The following NOMO1 variants were observed in gnomAD, a reference collection of about 807,000 sequenced individuals.
NOMO1 encodes nodal modulator 3.
A neutral mutation model predicts 133.8 loss-of-function variants in NOMO1; 40 were observed. The ratio of observed to expected loss-of-function variants is 0.30; its 90% CI spans 0.23 to 0.39. The LOEUF is 0.39. Ranked by LOEUF, NOMO1 falls within the 10% of genes least tolerant of loss-of-function variation. NOMO1 has a pLI of 1.00. For synonymous variants in NOMO1, 236 were observed against 570.5 expected (o/e 0.41, Z 8.36); for missense variants, 462 against 1,419.9 (o/e 0.33, Z 10.84).
Position 14,867,176 on chromosome 16 carries a change from A to ATTTTT in NOMO1, c.1806+510_1806+514dup, listed in dbSNP as rs1174703237. On this transcript the variant is annotated intron_variant, in intron 15 of 30. Transcript: ENST00000287667. ...TATATATATATATATATATATATATATTTTTTTTTTTTTTTTTTTTTTTTT... is the reference window on the plus strand; with the variant it reads ...TATATATATATATATATATATATATATTTTTTTTTTTTTTTTTTTTTTTTTTTTTT... Among the ~76,000 whole-genome samples, 63 of 7,476 alleles carry ATTTTT rather than the reference A, an allele frequency of 8.4e-3. 3 individuals are homozygous for ATTTTT. The highest frequency in any genetic ancestry group is 0.028 in the East Asian group (11 of 392). The allele number at this position is 7,476 out of a possible 152,430, so 4.9% of individuals were successfully genotyped here. A position where few individuals can be genotyped will look rare whatever the true frequency, so the allele number is the denominator to read the frequency against.
chr16:14,893,352 T>G (rs1290430102), intron 29 of NOMO1, among the ~76,000 whole-genome samples: 1 of 151,672 alleles, frequency 6.6e-6, no homozygotes, highest in East Asian at 1.9e-4. Context: ...CACTTCTGGC[T>G]AATTTTGTAT....
intron 16 of NOMO1, 75 bp from the exon 17 acceptor site, chr16:14,871,546 C>T (rs1244214679): frequency 5.0e-6 from 8 of 1,605,840 alleles, no homozygotes; most frequent in Non-Finnish European, 5.1e-6. Flanking sequence ...AGCTGCCACT[C>T]GATTTCAGAT....
rs1253403646 is a variant in NOMO1 at position 14,853,590 on chromosome 16, G to T, written c.859G>T (p.Gly287Trp). The change falls in exon 8 of 31, where the codon GGG (glycine) becomes TGG (tryptophan). Residue 287 changes from glycine to tryptophan, a missense_variant. Physicochemically the swap from Gly to Trp is radical, Grantham distance 184. Coordinates refer to ENST00000287667, the MANE Select transcript of NOMO1 (RefSeq NM_014287.4). ...GSFSFYSLPS[G>W]GYTVIPFYRG... ...GTTCTCTTTCTATTCCTTGCCAAGT[G>T]GGGGCTACACTGTGGTGAGTAAAGC... The T allele has an allele frequency of 2.5e-6, 4 of 1,611,178 alleles. No individual in the cohort carries two copies. Among genetic ancestry groups the T allele is most frequent in the Non-Finnish European group, 8.5e-7 (1 of 1,179,772 alleles).
At position 14,835,797 on chromosome 16, in the gene NOMO1, T is replaced by C. The variant is rs948669265; in HGVS notation, c.165+1781T>C. Among the ~76,000 whole-genome samples the C allele has an allele frequency of 1.9e-4, 29 of 152,076 alleles. No individual in the cohort carries two copies. The East Asian group carries it at 5.2e-3, about 27-fold the overall frequency. On this transcript the variant is annotated intron_variant, in intron 1 of 30. Transcript: ENST00000287667. ...TTCTTGATTGTGTTTTTTGTGTTCC[T>C]ATGCAACTGCCGCCATTCTTCTCTA...
rs1230300443 is a variant in NOMO1 at position 14,864,586 on chromosome 16, T to C, written c.1397T>C (p.Val466Ala). The C allele has an allele frequency of 1.9e-6, 3 of 1,612,766 alleles. No individual in the cohort carries two copies. Among genetic ancestry groups the C allele is most frequent in the Non-Finnish European group, 2.5e-6 (3 of 1,179,346 alleles). ...AACGTTCCATCCACGTTTCCACAGGTGATGGTTCCTGAGGCAGAAACCAGA... is the reference window on the plus strand; with the variant it reads ...AACGTTCCATCCACGTTTCCACAGGCGATGGTTCCTGAGGCAGAAACCAGA... ...KAKPGTYKVQ[V>A]MVPEAETRAG... The change falls in exon 13 of 31, where the codon GTG becomes GCG. Residue 466 changes from valine (V) to alanine (A), a missense_variant and splice_region_variant. By Grantham distance (64) the Val-to-Ala change is moderately conservative. Coordinates refer to ENST00000287667, the MANE Select transcript of NOMO1 (RefSeq NM_014287.4).
intron 29 of NOMO1, among the ~76,000 whole-genome samples, chr16:14,891,884 A>G: frequency 6.6e-6 from 1 of 151,970 alleles, no homozygotes; most frequent in South Asian, 2.1e-4. Flanking sequence ...TGAACAAGAG[A>G]GTTTTTCTCA....
intron 2 of NOMO1, among the ~76,000 whole-genome samples, chr16:14,838,827 G>A (rs1403684109): frequency 2.0e-5 from 3 of 151,166 alleles, no homozygotes; most frequent in Non-Finnish European, 2.9e-5. Flanking sequence ...CCAGATGTCA[G>A]TAGTGCCAGG....
chr16:14,879,028 C>T (rs1964203962), intron 23 of NOMO1, among the ~76,000 whole-genome samples, 194 bp downstream of exon 23: 1 of 151,908 alleles, frequency 6.6e-6, no homozygotes, highest in African/African-American at 2.4e-5. Context: ...ATGTTCCCTT[C>T]CACACGCGCT....
Position 14,874,941 on chromosome 16 carries a change from A to G in NOMO1, c.2055-95A>G. On this transcript the variant is annotated intron_variant, in intron 18 of 30. Transcript: ENST00000287667. ...ACTGTGGTGTCATGATAAGATGTCC[A>G]GTTTGTAACTCGCAAGTCCATACTC... The G allele has an allele frequency of 5.2e-6, 6 of 1,158,910 alleles. No individual in the cohort carries two copies. In the South Asian group the frequency reaches 7.1e-5, roughly 14 times the overall value. 71.8% of individuals were successfully genotyped at this position (1,158,910 alleles called of 1,614,324 possible). A position where few individuals can be genotyped will look rare whatever the true frequency, so the allele number is the denominator to read the frequency against.
chr16:14,884,528 T>C (rs768754171), intron 27 of NOMO1, 46 bp downstream of exon 27: 2 of 1,610,964 alleles, frequency 1.2e-6, no homozygotes, highest in Non-Finnish European at 1.7e-6. Flanking sequence ...CCCTTTGGCT[T>C]TGAGACAAGT....
At chr16:14,854,568 C>T (rs1455945573) in intron 9 of NOMO1, among the ~76,000 whole-genome samples, 27 of 71,282 alleles carry the variant, frequency 3.8e-4, no homozygotes, top group African/African-American at 1.0e-3. Context: ...CTCCTGGGTT[C>T]AAGTGATCTG....
intron 18 of NOMO1, among the ~76,000 whole-genome samples, chr16:14,873,217 G>C (rs1964103937): frequency 9.4e-6 from 1 of 106,230 alleles, no homozygotes; most frequent in African/African-American, 2.7e-5. Context: ...TAGGCTGCGG[G>C]GGGCCAGGCC....
chr16:14,878,317 G>A (rs1480521149), intron 22 of NOMO1, among the ~76,000 whole-genome samples: 2 of 130,730 alleles, frequency 1.5e-5, no homozygotes, highest in African/African-American at 2.9e-5. Context: ...AACGTGGCAA[G>A]ACCCGTCTCT....
At chr16:14,886,961 A>G (rs1402755389) in intron 28 of NOMO1, 99 bp downstream of exon 28, 6 of 1,471,450 alleles carry the variant, frequency 4.1e-6, no homozygotes, top group Non-Finnish European at 5.7e-6. Context: ...CCTAAATACC[A>G]CTCTGCAGAA....
At chr16:14,883,971 A>G (rs1344490057) in intron 26 of NOMO1, among the ~76,000 whole-genome samples, 1 of 150,432 alleles carries the variant, frequency 6.6e-6, no homozygotes, top group Admixed American at 6.6e-5. Flanking sequence ...AAGTAATTCA[A>G]ACGTAGAAAA....
At chr16:14,885,398 T>C (rs1260773754) in intron 27 of NOMO1, among the ~76,000 whole-genome samples, 2 of 151,966 alleles carry the variant, frequency 1.3e-5, no homozygotes, top group Non-Finnish European at 2.9e-5. Context: ...AGACCTCTTA[T>C]AATCTTGTTC....
At chr16:14,853,703 G>C in intron 8 of NOMO1, 99 bp downstream of exon 8, 1 of 1,202,410 alleles carries the variant, frequency 8.3e-7, no homozygotes, top group Non-Finnish European at 1.2e-6. Flanking sequence ...TGGTTGGCCT[G>C]CAGTTCTCTG....
intron 27 of NOMO1, among the ~76,000 whole-genome samples, chr16:14,884,931 T>C (rs1030696152): frequency 1.3e-5 from 2 of 152,082 alleles, no homozygotes; most frequent in Admixed American, 6.5e-5. Context: ...CATTGGCTCC[T>C]CGTTCTGTAG....
intron 11 of NOMO1, among the ~76,000 whole-genome samples, chr16:14,860,805 C>T (rs2606811): frequency 3.4e-4 from 52 of 152,020 alleles, no homozygotes; most frequent in African/African-American, 9.9e-4. Context: ...AATTGGCCGA[C>T]GTAGTACATT....
Sources: allele counts gnomAD v4.1 joint callset (sites outside exome capture counted in the v4.1 genomes callset), GRCh38; gene constraint gnomAD v4.1.1; transcripts MANE v1.5; gene names NCBI Gene and HGNC (gene_info 2026-07-23, HGNC 2026-07-21).